Variants in CERS6 observed in about 807,000 individuals in gnomAD.
CERS6 encodes LAG1 homolog, ceramide synthase 6.
A neutral mutation model predicts 56.8 loss-of-function variants in CERS6; 26 were observed. The observed-to-expected ratio is 0.46, with a 90% CI of 0.34 to 0.63. The LOEUF (loss-of-function observed/expected upper bound fraction) is 0.63, where lower values mean the gene tolerates loss of function less well. Ranked by LOEUF, CERS6 falls within the 30% of genes least tolerant of loss-of-function variation. The probability of loss-of-function intolerance (pLI) is 0.01; values close to 1 mark genes in which losing one functional copy is unlikely to be tolerated. For missense variants in CERS6, 415 were observed against 467.5 expected (o/e 0.89, Z 1.04); for synonymous variants, 164 against 173.3 (o/e 0.95, Z 0.42).
chr2:168,657,584 G>A (rs919496778), intron 4 of CERS6, among the ~76,000 whole-genome samples: 5 of 152,256 alleles, frequency 3.3e-5, no homozygotes, highest in African/African-American at 4.8e-5. Context: ...GCCCTGCCCC[G>A]TGGGAAGGCA....
intron 8 of CERS6, among the ~76,000 whole-genome samples, chr2:168,749,281 G>A (rs910380140): frequency 2.0e-5 from 3 of 152,150 alleles, no homozygotes; most frequent in African/African-American, 7.2e-5. Flanking sequence ...TTCGCTATCT[G>A]AATCCCCACA....
At chr2:168,535,073 A>C (rs1695236074) in intron 1 of CERS6, among the ~76,000 whole-genome samples, 1 of 152,212 alleles carries the variant, frequency 6.6e-6, no homozygotes, top group African/African-American at 2.4e-5. Context: ...TGGCTCCAGC[A>C]GGGGAAAAGC....
chr2:168,512,881 T>C (rs895558495), intron 1 of CERS6, among the ~76,000 whole-genome samples: 4 of 152,138 alleles, frequency 2.6e-5, no homozygotes, highest in South Asian at 2.1e-4. Flanking sequence ...TTGGCCAGGC[T>C]GGTCTCGAAC....
At chr2:168,609,008 G>T (rs1301994832) in intron 3 of CERS6, among the ~76,000 whole-genome samples, 3 of 152,188 alleles carry the variant, frequency 2.0e-5, no homozygotes, top group Non-Finnish European at 4.4e-5. Flanking sequence ...GAATATTTTG[G>T]ATACCCACAC....
Position 168,763,829 on chromosome 2 carries a change from A to G in CERS6, c.846-1763A>G, listed in dbSNP as rs189287405. The stretch of plus-strand genomic sequence containing the variant: ...GAGTTTTCTTGTGTGTCTCCAAACC[A>G]TCCCTGGGGTAAGCTGAGGAGGAGA... On this transcript the variant is annotated intron_variant, in intron 8 of 9. Transcript: ENST00000305747. 8.0e-3 allele frequency among the ~76,000 whole-genome samples: 1,221 copies of G among 152,248 alleles called. 10 individuals carry two copies. Among genetic ancestry groups the G allele is most frequent in the Non-Finnish European group, 0.012 (837 of 68,006 alleles).
At chr2:168,541,480 CTT>C (rs1011383399) in intron 1 of CERS6, among the ~76,000 whole-genome samples, 1 of 145,166 alleles carries the variant, frequency 6.9e-6, no homozygotes, top group Non-Finnish European at 1.5e-5. Flanking sequence ...TTTTTTCTTT[CTT>C]TTTTTTTTTC....
intron 8 of CERS6, among the ~76,000 whole-genome samples, chr2:168,763,813 T>G (rs1684649919): frequency 1.3e-5 from 2 of 152,092 alleles, no homozygotes; most frequent in Non-Finnish European, 2.9e-5. Flanking sequence ...TGAGTTTTCT[T>G]GTGTGTCTCC....
chr2:168,498,224 G>T (rs988020722), intron 1 of CERS6, among the ~76,000 whole-genome samples: 2 of 152,090 alleles, frequency 1.3e-5, no homozygotes, highest in African/African-American at 4.8e-5. Flanking sequence ...AGTGGCACTT[G>T]TTCCTTTTTA....
At chr2:168,481,438 C>T (rs1694177184) in intron 1 of CERS6, among the ~76,000 whole-genome samples, 1 of 152,086 alleles carries the variant, frequency 6.6e-6, no homozygotes, top group Admixed American at 6.6e-5. Context: ...AGTTACAGGT[C>T]ATCAGCCGCA....
intron 1 of CERS6, among the ~76,000 whole-genome samples, chr2:168,496,682 T>A (rs1375553054): frequency 6.6e-6 from 1 of 152,186 alleles, no homozygotes; most frequent in Non-Finnish European, 1.5e-5. Flanking sequence ...ATAGAAGATA[T>A]CATCATTATT....
intron 8 of CERS6, among the ~76,000 whole-genome samples, chr2:168,760,622 C>T (rs1306023614): frequency 6.6e-6 from 1 of 152,162 alleles, no homozygotes; most frequent in African/African-American, 2.4e-5. Context: ...CCTGAAGTAC[C>T]TCCCAGAAAT....
intron 8 of CERS6, among the ~76,000 whole-genome samples, chr2:168,763,081 G>T (rs1019021385): frequency 6.6e-6 from 1 of 152,028 alleles, no homozygotes; most frequent in Admixed American, 6.6e-5. Flanking sequence ...TCACTCTGTT[G>T]CCTGGGCTGG....
chr2:168,707,753 T>C (rs1686994105), intron 6 of CERS6, among the ~76,000 whole-genome samples: 1 of 152,200 alleles, frequency 6.6e-6, no homozygotes, highest in East Asian at 1.9e-4. Context: ...CAGAATCAAC[T>C]GATTTCTGTA....
chr2:168,599,594 A>G (rs1559014946), intron 3 of CERS6, among the ~76,000 whole-genome samples: 1 of 152,232 alleles, frequency 6.6e-6, no homozygotes, highest in Non-Finnish European at 1.5e-5. Context: ...ATTAGAAAAC[A>G]TTGTTCTTGA....
intron 1 of CERS6, among the ~76,000 whole-genome samples, chr2:168,488,165 T>TA (rs35499049): frequency 0.078 from 11,802 of 152,268 alleles, 513 homozygotes; most frequent in East Asian, 0.18. Flanking sequence ...ACTGTTGCAT[T>TA]ATATTGTCTT....
In CERS6 at chr2:168,724,980, A is replaced by G. The variant is rs186027030; in HGVS notation, c.845+7002A>G. Among the ~76,000 whole-genome samples, 35 of 152,310 alleles carry G rather than the reference A, an allele frequency of 2.3e-4. No individual in the cohort carries two copies. The East Asian group carries it at 6.2e-3, about 27-fold the overall frequency. ...CTCGTCGTGGAGGCTCCGTCCCCAC[A>G]GGAGCCCACGGAGGGGGTGGGAGGT... On this transcript the variant is annotated intron_variant, in intron 8 of 9. Coordinates refer to ENST00000305747, the MANE Select transcript of CERS6 (RefSeq NM_203463.3).
chr2:168,648,372 C>G (rs553757623), intron 4 of CERS6, among the ~76,000 whole-genome samples: 1 of 152,162 alleles, frequency 6.6e-6, no homozygotes, highest in South Asian at 2.1e-4. Context: ...GTAACATCCC[C>G]TTTGTCATTT....
intron 1 of CERS6, among the ~76,000 whole-genome samples, chr2:168,530,330 A>G (rs1333187622): frequency 6.6e-6 from 1 of 152,230 alleles, no homozygotes; most frequent in Non-Finnish European, 1.5e-5. Context: ...ATGTGCAGAG[A>G]AGATACTGCC....
chr2:168,558,838 C>T (rs1032967916), intron 2 of CERS6, among the ~76,000 whole-genome samples: 2 of 152,166 alleles, frequency 1.3e-5, no homozygotes, highest in African/African-American at 4.8e-5. Flanking sequence ...CACTGCACTC[C>T]AGCCTGGGCG....
Sources: allele counts gnomAD v4.1 joint callset (sites outside exome capture counted in the v4.1 genomes callset), GRCh38; gene constraint gnomAD v4.1.1; transcripts MANE v1.5; gene names NCBI Gene and HGNC (gene_info 2026-07-23, HGNC 2026-07-21).